Variants in PRDM6 observed in about 807,000 individuals in gnomAD.
PRDM6 encodes the protein PR/SET domain 6, also known as putative histone-lysine N-methyltransferase PRDM6.
Under a neutral mutation model 60.8 loss-of-function variants are expected in PRDM6, and 25 were observed. That is an observed-to-expected ratio of 0.41 (90% CI 0.30 to 0.57). The LOEUF (loss-of-function observed/expected upper bound fraction) is 0.57. PRDM6 is among the 20% of genes least tolerant of loss of function. The pLI, the probability that PRDM6 is intolerant of heterozygous loss-of-function variation, is 0.27. For synonymous variants in PRDM6, 407 were observed against 357.4 expected (o/e 1.14, Z -1.57); for missense variants, 839 against 821.3 (o/e 1.02, Z -0.26).
chr5:123,147,277 AAAAG>A lies in PRDM6; in HGVS notation c.901-8605_901-8602del, dbSNP rs747313624. Among the ~76,000 whole-genome samples the A allele has an allele frequency of 6.6e-3, 576 of 87,934 alleles. 7 individuals are homozygous for A. The highest frequency in any genetic ancestry group is 8.9e-3 in the Non-Finnish European group (367 of 41,104). The allele number at this position is 87,934 out of a possible 152,430, so 57.7% of individuals were successfully genotyped here. ...GTGAAATACATTAACACTGATACTA[AAAAG>A]AGAGAGAGAGAGAGAGAGAGAGAGA... On this transcript the variant is annotated intron_variant, in intron 3 of 7. Coordinates refer to ENST00000407847, the MANE Select transcript of PRDM6 (RefSeq NM_001136239.4).
chr5:123,156,337 C>A (rs553705738), intron 4 of PRDM6, among the ~76,000 whole-genome samples: 1 of 152,150 alleles, frequency 6.6e-6, no homozygotes, highest in African/African-American at 2.4e-5. Flanking sequence ...CCCAAGCAGT[C>A]GTCTTCACAC....
In PRDM6 at chr5:123,100,169, G is replaced by A. The variant is rs569929820; in HGVS notation, c.900+208G>A. Among the ~76,000 whole-genome samples the A allele has an allele frequency of 2.2e-4, 34 of 152,340 alleles. No homozygotes were observed. The Middle Eastern group carries it at 0.01, about 46-fold the overall frequency. ...GCAGTAAGGAGGCTGACAGAGCTGG[G>A]ACTGACACAATAGCAACCCAGCCAG... is the stretch of plus-strand genomic sequence containing the variant. On this transcript the variant is annotated intron_variant, in intron 3 of 7. Transcript: ENST00000407847.
rs148994572 is a variant in PRDM6 at position 123,150,434 on chromosome 5, A to G, written c.901-5450A>G. Among the ~76,000 whole-genome samples the G allele has an allele frequency of 6.9e-3, 1,053 of 152,292 alleles. 15 individuals carry two copies. Among genetic ancestry groups the G allele is most frequent in the African/African-American group, 0.024 (1,013 of 41,568 alleles). ...ACCGTTCACCTTTTAAAAATCTTTT[A>G]TTTAGCAATAAAAGAAATCTGGTTA... On this transcript the variant is annotated intron_variant, in intron 3 of 7. Coordinates refer to ENST00000407847, the MANE Select transcript of PRDM6 (RefSeq NM_001136239.4).
At chr5:123,125,250 C>T (rs568008288) in intron 3 of PRDM6, among the ~76,000 whole-genome samples, 8 of 151,682 alleles carry the variant, frequency 5.3e-5, no homozygotes, top group African/African-American at 1.9e-4. Flanking sequence ...CCTTTGTGTT[C>T]CTAACTCAGC....
At chr5:123,091,544 A>G (rs1321733584) in intron 2 of PRDM6, among the ~76,000 whole-genome samples, 1 of 152,270 alleles carries the variant, frequency 6.6e-6, no homozygotes, top group African/African-American at 2.4e-5. Flanking sequence ...TTTTGAAGCA[A>G]AACTCTAAAT....
chr5:123,164,351 G>A (rs762345297), intron 5 of PRDM6, among the ~76,000 whole-genome samples: 11 of 152,166 alleles, frequency 7.2e-5, no homozygotes, highest in Non-Finnish European at 1.6e-4. Flanking sequence ...ATACTTTCCT[G>A]TCCCTGAATG....
intron 3 of PRDM6, among the ~76,000 whole-genome samples, chr5:123,112,345 C>G (rs1764332538): frequency 6.6e-6 from 1 of 152,220 alleles, no homozygotes; most frequent in African/African-American, 2.4e-5. Context: ...AGTCCTATAT[C>G]ATATGGAGAA....
intron 3 of PRDM6, among the ~76,000 whole-genome samples, chr5:123,139,115 A>G (rs1765040308): frequency 6.6e-6 from 1 of 152,074 alleles, no homozygotes; most frequent in African/African-American, 2.4e-5. Context: ...CCATGATTCT[A>G]AGTTTCCTGA....
chr5:123,142,829 A>G (rs930248749), intron 3 of PRDM6, among the ~76,000 whole-genome samples: 1 of 147,464 alleles, frequency 6.8e-6, no homozygotes, highest in Admixed American at 6.8e-5. Context: ...AAACCAGTAT[A>G]TCACAACACA....
At chr5:123,182,739 T>C (rs557969338) in intron 7 of PRDM6, among the ~76,000 whole-genome samples, 1 of 152,346 alleles carries the variant, frequency 6.6e-6, no homozygotes, top group Admixed American at 6.5e-5. Context: ...ACAACTAAGG[T>C]TGTTGGCTTA....
At chr5:123,145,785 G>A (rs1399204102) in intron 3 of PRDM6, among the ~76,000 whole-genome samples, 1 of 152,190 alleles carries the variant, frequency 6.6e-6, no homozygotes, top group Non-Finnish European at 1.5e-5. Context: ...AATAAAGCAT[G>A]TCTGACAATC....
At chr5:123,098,238 C>G (rs1764004594) in intron 2 of PRDM6, among the ~76,000 whole-genome samples, 1 of 152,238 alleles carries the variant, frequency 6.6e-6, no homozygotes, top group Non-Finnish European at 1.5e-5. Context: ...ACCCGCCGCC[C>G]CGCTCTGGCG....
rs879255278 is a variant in PRDM6 at position 123,180,296 on chromosome 5, G to A, written c.1646G>A (p.Arg549Gln). Reference protein sequence around the residue: ...AGATTLNNHIRTHTGEKPFKC... With the variant: ...AGATTLNNHIQTHTGEKPFKC... ...GCCACCACCCTCAACAACCACATCCGAACCCACACTGGAGAAAAGCCCTTC... is the reference window on the plus strand; with the variant it reads ...GCCACCACCCTCAACAACCACATCCAAACCCACACTGGAGAAAAGCCCTTC... The change falls in exon 7 of 8, where the codon CGA (arginine) becomes CAA (glutamine). Residue 549 changes from arginine (R) to glutamine (Q), a missense_variant. Physicochemically the swap from Arg to Gln is conservative, Grantham distance 43. Transcript: ENST00000407847. The A allele has an allele frequency of 6.4e-7, 1 of 1,551,334 alleles. No homozygotes were observed. The highest frequency in any genetic ancestry group is 8.7e-7 in the Non-Finnish European group (1 of 1,146,822).
chr5:123,170,308 T>C (rs1045013844), intron 5 of PRDM6, among the ~76,000 whole-genome samples: 3 of 152,236 alleles, frequency 2.0e-5, no homozygotes, highest in Non-Finnish European at 4.4e-5. Flanking sequence ...ATACCTATCC[T>C]GTGCTGCCAA....
At chr5:123,137,960 A>G (rs1242178620) in intron 3 of PRDM6, among the ~76,000 whole-genome samples, 1 of 152,142 alleles carries the variant, frequency 6.6e-6, no homozygotes. Context: ...TATGGGTGGT[A>G]TAAAGATACA....
chr5:123,187,275 G>C lies in PRDM6; in HGVS notation c.*74G>C. 8.6e-7 allele frequency: 1 copy of C among 1,169,076 alleles called. No homozygotes were observed. The highest frequency in any genetic ancestry group is 1.2e-6 in the Non-Finnish European group (1 of 805,238). 72.4% of individuals were successfully genotyped at this position (1,169,076 alleles called of 1,614,324 possible). On this transcript the variant is annotated 3_prime_UTR_variant, in exon 8 of 8. Coordinates refer to ENST00000407847, the MANE Select transcript of PRDM6 (RefSeq NM_001136239.4). The stretch of plus-strand genomic sequence containing the variant: ...TCACGGACACTTAAGCAAAACCAAA[G>C]ATTTCCTCTGAGCAACTTTCAATCA...
chr5:123,099,705 C>A lies in PRDM6; in HGVS notation c.644C>A (p.Pro215Gln). 1 of 1,525,180 alleles carries A rather than the reference C, an allele frequency of 6.6e-7. No homozygotes were observed. Among genetic ancestry groups the A allele is most frequent in the Non-Finnish European group, 8.8e-7 (1 of 1,136,686 alleles). 94.5% of individuals were successfully genotyped at this position (1,525,180 alleles called of 1,614,324 possible). A position where few individuals can be genotyped will look rare whatever the true frequency, so the allele number is the denominator to read the frequency against. The stretch of plus-strand genomic sequence containing the variant: ...AACGGCGAGTGCCCTATGCATGGGC[C>A]ACTGCACTCGCTGCGCCGGCTTGTG... ...NRNGECPMHG[P>Q]LHSLRRLVGT... Residue 215 changes from proline (P) to glutamine (Q), a missense_variant, in exon 3 of 8, where the codon CCA becomes CAA. Around this residue, in one of 2 missense-constraint regions of PRDM6, gnomAD observed 730 missense variants for 648.8 expected, o/e 1.13. Coordinates refer to ENST00000407847, the MANE Select transcript of PRDM6 (RefSeq NM_001136239.4). This position sits in a 1 kb window ranked among gnomAD's most constrained non-coding sequence, Gnocchi z 4.0.
intron 3 of PRDM6, among the ~76,000 whole-genome samples, chr5:123,136,517 A>G (rs1204443984): frequency 1.3e-5 from 2 of 152,202 alleles, no homozygotes; most frequent in Non-Finnish European, 2.9e-5. Flanking sequence ...CTTAATTAGA[A>G]ACTAAGTAGC....
intron 7 of PRDM6, among the ~76,000 whole-genome samples, chr5:123,185,350 A>G (rs974683773): frequency 6.6e-6 from 1 of 152,222 alleles, no homozygotes; most frequent in Non-Finnish European, 1.5e-5. Flanking sequence ...AAGTTTGTCA[A>G]GCAGTGAAAG....
Sources: allele counts gnomAD v4.1 joint callset (sites outside exome capture counted in the v4.1 genomes callset), GRCh38; gene constraint gnomAD v4.1.1; regional missense constraint gnomAD v4.1.1; non-coding constraint Gnocchi (gnomAD v3.1); transcripts MANE v1.5; gene names NCBI Gene and HGNC (gene_info 2026-07-23, HGNC 2026-07-21).